PNO1: variants seen among roughly 807,000 people sequenced by gnomAD.
PNO1 encodes partner of NOB1 homolog, also known as RNA-binding protein PNO1.
PNO1 carries 16 observed loss-of-function variants against 28.4 expected under a neutral mutation model. The ratio of observed to expected loss-of-function variants is 0.56; its 90% CI spans 0.38 to 0.85. The LOEUF (loss-of-function observed/expected upper bound fraction) is 0.85. PNO1 is among the 40% of genes least tolerant of loss of function. PNO1 has a pLI of 0.00. For synonymous variants in PNO1, 115 were observed against 110.8 expected (o/e 1.04, Z -0.24); for missense variants, 304 against 312.2 (o/e 0.97, Z 0.20).
At chr2:68,166,213 G>A (rs879759793) in intron 5 of PNO1, among the ~76,000 whole-genome samples, 2 of 152,146 alleles carry the variant, frequency 1.3e-5, no homozygotes, top group Non-Finnish European at 2.9e-5. Flanking sequence ...ATATTGCAGG[G>A]ATTAGGGATG....
At chr2:68,158,329 C>T (rs1431995936) in intron 1 of PNO1, 51 bp from the exon 2 acceptor site, 4 of 1,544,240 alleles carry the variant, frequency 2.6e-6, no homozygotes, top group South Asian at 2.4e-5. Flanking sequence ...ATTTTAAACT[C>T]CATCACCGTC....
At chr2:68,165,313 G>T (rs1175438205) in intron 5 of PNO1, among the ~76,000 whole-genome samples, 3 of 141,494 alleles carry the variant, frequency 2.1e-5, no homozygotes, top group Non-Finnish European at 4.6e-5. Flanking sequence ...GCAGTGAGCC[G>T]AGATCCCGCC....
chr2:68,165,319 C>G (rs1459242930), intron 5 of PNO1, among the ~76,000 whole-genome samples: 2 of 145,500 alleles, frequency 1.4e-5, no homozygotes, highest in Non-Finnish European at 3.0e-5. Flanking sequence ...AGCCGAGATC[C>G]CGCCACTGCA....
intron 5 of PNO1, among the ~76,000 whole-genome samples, chr2:68,169,447 A>AATCAGCATCACATGTG (rs1275115352): frequency 1.3e-5 from 2 of 152,224 alleles, no homozygotes; most frequent in African/African-American, 4.8e-5. Context: ...TATGGGAGAT[A>AATCAGCATCACATGTG]ATCAGCATCA....
chr2:68,162,148 A>AC (rs951809975), intron 3 of PNO1, 117 bp from the exon 4 acceptor site: 15 of 795,334 alleles, frequency 1.9e-5, no homozygotes, highest in Non-Finnish European at 2.9e-5. Context: ...CCAAGGGAAA[A>AC]AAAAAAGCTT....
intron 6 of PNO1, 151 bp from the exon 7 acceptor site, chr2:68,174,584 G>A (rs1674223476): frequency 1.8e-6 from 1 of 544,238 alleles, no homozygotes; most frequent in East Asian, 2.8e-5. Context: ...GGTAGTTAAT[G>A]TGCATATTTT....
chr2:68,171,941 A>G (rs930175572), intron 5 of PNO1, among the ~76,000 whole-genome samples: 88 of 152,030 alleles, frequency 5.8e-4, no homozygotes, highest in African/African-American at 1.9e-3. Context: ...AATGACAGAA[A>G]GTGGTGAAGG....
At chr2:68,170,495 C>G (rs1447461929) in intron 5 of PNO1, among the ~76,000 whole-genome samples, 1 of 152,166 alleles carries the variant, frequency 6.6e-6, no homozygotes, top group Admixed American at 6.5e-5. Flanking sequence ...CACCTGTAAT[C>G]CCAGCACTTT....
chr2:68,170,558 T>C (rs1035331877), intron 5 of PNO1, among the ~76,000 whole-genome samples: 1 of 152,024 alleles, frequency 6.6e-6, no homozygotes, highest in African/African-American at 2.4e-5. Context: ...CCATCCTGGC[T>C]AACACGGTGA....
At chr2:68,167,291 TG>T (rs1203847055) in intron 5 of PNO1, among the ~76,000 whole-genome samples, 1 of 152,168 alleles carries the variant, frequency 6.6e-6, no homozygotes, top group Non-Finnish European at 1.5e-5. Flanking sequence ...ATTGAACTCA[TG>T]GGGTTCTTGG....
intron 2 of PNO1, among the ~76,000 whole-genome samples, chr2:68,160,007 T>C: frequency 6.7e-6 from 1 of 150,034 alleles, no homozygotes; most frequent in African/African-American, 2.5e-5. Flanking sequence ...CTTGCTCCGT[T>C]GCCCAGGCTG....
intron 2 of PNO1, 91 bp downstream of exon 2, chr2:68,158,620 T>C: frequency 8.7e-7 from 1 of 1,149,452 alleles, no homozygotes; most frequent in Non-Finnish European, 1.2e-6. Context: ...AATGGGACTT[T>C]TCTGTTGTAT....
At chr2:68,169,783 G>A (rs1393107332) in intron 5 of PNO1, among the ~76,000 whole-genome samples, 1 of 151,872 alleles carries the variant, frequency 6.6e-6, no homozygotes, top group African/African-American at 2.4e-5. Flanking sequence ...TAATTTTTTT[G>A]ACATTTCTAC....
chr2:68,169,743 A>G (rs539129124), intron 5 of PNO1, among the ~76,000 whole-genome samples: 3 of 152,326 alleles, frequency 2.0e-5, no homozygotes, highest in Admixed American at 2.0e-4. Context: ...ACCTACATAC[A>G]GTTTATGCAT....
In PNO1 at chr2:68,161,710, G is replaced by T. The variant is rs528399980; in HGVS notation, c.385G>T (p.Ala129Ser). 2.5e-6 allele frequency: 4 copies of T among 1,612,924 alleles called. No homozygotes were observed. In the South Asian group the frequency reaches 3.3e-5, roughly 13 times the overall value. Residue 129 changes from alanine (A) to serine (S), a missense_variant, in exon 3 of 7, where the codon GCT (alanine) becomes TCT (serine). Ala to Ser is a moderately conservative substitution (Grantham distance 99, BLOSUM62 1). Transcript: ENST00000263657. Reference protein sequence around the residue: ...RTCKETKDVSALTKAADFVKA... With the variant: ...RTCKETKDVSSLTKAADFVKA... ...TTGTAAAGAAACCAAGGATGTTAGT[G>T]CTCTGACAAAAGCAGCTGATTTTGT... is the stretch of plus-strand genomic sequence containing the variant.
intron 5 of PNO1, among the ~76,000 whole-genome samples, chr2:68,165,437 T>C (rs1490184826): frequency 6.7e-6 from 1 of 149,316 alleles, no homozygotes; most frequent in Non-Finnish European, 1.5e-5. Context: ...TCCCAGTTAC[T>C]TGGGAGACTG....
chr2:68,166,410 A>G (rs1220222584), intron 5 of PNO1, among the ~76,000 whole-genome samples: 1 of 152,200 alleles, frequency 6.6e-6, no homozygotes, highest in Non-Finnish European at 1.5e-5. Context: ...GTTATTAAGA[A>G]AATTATAAGG....
intron 2 of PNO1, among the ~76,000 whole-genome samples, chr2:68,160,335 A>G (rs1484969476): frequency 6.6e-6 from 1 of 152,168 alleles, no homozygotes; most frequent in Middle Eastern, 3.2e-3. Context: ...TTTGTCTCTC[A>G]CGGATCATAA....
At chr2:68,170,429 A>C (rs1440853475) in intron 5 of PNO1, among the ~76,000 whole-genome samples, 1 of 152,160 alleles carries the variant, frequency 6.6e-6, no homozygotes. Flanking sequence ...TTTTAATCAA[A>C]GTTAAACATA....
Sources: allele counts gnomAD v4.1 joint callset (sites outside exome capture counted in the v4.1 genomes callset), GRCh38; gene constraint gnomAD v4.1.1; transcripts MANE v1.5; gene names NCBI Gene and HGNC (gene_info 2026-07-23, HGNC 2026-07-21).